Variants in FGGY observed in about 807,000 individuals in gnomAD.
The protein encoded by FGGY is FGGY carbohydrate kinase domain-containing protein.
Under a neutral mutation model 71.3 loss-of-function variants are expected in FGGY, and 72 were observed. The observed-to-expected ratio is 1.01, with a 90% CI of 0.84 to 1.23. The LOEUF is 1.23. FGGY is among the 50% of genes most tolerant of loss of function. FGGY has a pLI of 0.00. For synonymous variants in FGGY, 251 were observed against 250.3 expected (o/e 1.00, Z -0.02); for missense variants, 668 against 682.3 (o/e 0.98, Z 0.23).
At chr1:59,717,396 A>C (rs142493490) in intron 14 of FGGY, among the ~76,000 whole-genome samples, 1 of 152,152 alleles carries the variant, frequency 6.6e-6, no homozygotes, top group Non-Finnish European at 1.5e-5. Flanking sequence ...GACCACTCTG[A>C]TACTGCCCAC....
chr1:59,314,384 A>C (rs1022105361), intron 1 of FGGY, among the ~76,000 whole-genome samples: 1 of 152,168 alleles, frequency 6.6e-6, no homozygotes. Flanking sequence ...TGGTGATGCT[A>C]TACTGTTACA....
intron 8 of FGGY, 34 bp downstream of exon 8, chr1:59,554,261 C>A: frequency 6.4e-7 from 1 of 1,551,664 alleles, no homozygotes; most frequent in Non-Finnish European, 8.9e-7. Context: ...AAGGCCACCA[C>A]ACAGCAGGAG....
intron 14 of FGGY, among the ~76,000 whole-genome samples, chr1:59,700,918 G>T (rs893201428): frequency 6.6e-6 from 1 of 152,124 alleles, no homozygotes; most frequent in Non-Finnish European, 1.5e-5. Context: ...GCCCTGGAGT[G>T]GGAATGAATT....
chr1:59,720,865 T>G (rs2097885601), intron 14 of FGGY, among the ~76,000 whole-genome samples: 1 of 152,242 alleles, frequency 6.6e-6, no homozygotes, highest in Non-Finnish European at 1.5e-5. Flanking sequence ...CCTCCTGGCC[T>G]GGTGCTCACT....
At chr1:59,475,381 A>C (rs564670611) in intron 6 of FGGY, among the ~76,000 whole-genome samples, 1 of 152,360 alleles carries the variant, frequency 6.6e-6, no homozygotes, top group South Asian at 2.1e-4. Context: ...TAAAAAAAAT[A>C]CAGGATATGT....
chr1:59,651,059 C>T (rs1474450177), intron 11 of FGGY, among the ~76,000 whole-genome samples: 3 of 151,324 alleles, frequency 2.0e-5, no homozygotes, highest in Non-Finnish European at 4.4e-5. Flanking sequence ...AGCTGAGCAG[C>T]TTTGAGTGAG....
Position 59,667,359 on chromosome 1 carries a change from T to C in FGGY, c.1373T>C (p.Leu458Pro), listed in dbSNP as rs376501447. ...SISTLFLCGGLSKNPLFVQMH... is the reference protein window; with the variant it reads ...SISTLFLCGGPSKNPLFVQMH... ...AGTACTCTTTTCCTATGTGGAGGCC[T>C]CAGCAAGAATCCCCTTTTTGTGCAA... Residue 458 changes from leucine (L) to proline (P), a missense_variant, in exon 13 of 16, where the codon CTC (leucine) becomes CCC (proline). By Grantham distance (98) the Leu-to-Pro change is moderately conservative. Coordinates refer to ENST00000303721, the MANE Select transcript of FGGY (RefSeq NM_018291.5). 6 of 1,614,050 alleles carry C rather than the reference T, an allele frequency of 3.7e-6. No individual in the cohort carries two copies. The highest frequency in any genetic ancestry group is 2.7e-5 in the African/African-American group (2 of 74,934).
At chr1:59,384,278 C>T (rs1337084163) in intron 5 of FGGY, among the ~76,000 whole-genome samples, 1 of 152,152 alleles carries the variant, frequency 6.6e-6, no homozygotes. Context: ...TCCCATTTCC[C>T]TCTCTTCCAG....
At chr1:59,711,627 G>A (rs2097794998) in intron 14 of FGGY, among the ~76,000 whole-genome samples, 1 of 152,190 alleles carries the variant, frequency 6.6e-6, no homozygotes, top group Admixed American at 6.5e-5. Context: ...GGCTGGAGAG[G>A]CCTCACAATC....
At chr1:59,359,485 C>G (rs2054984564) in intron 4 of FGGY, among the ~76,000 whole-genome samples, 1 of 152,174 alleles carries the variant, frequency 6.6e-6, no homozygotes, top group Admixed American at 6.5e-5. Flanking sequence ...TCTCCAAGAG[C>G]TGACTTTGTC....
At chr1:59,545,538 G>A (rs2153693446) in intron 7 of FGGY, among the ~76,000 whole-genome samples, 1 of 152,286 alleles carries the variant, frequency 6.6e-6, no homozygotes, top group South Asian at 2.1e-4. Context: ...AGGAAGAAAG[G>A]AATTTCTGAC....
chr1:59,406,166 T>G (rs1188256632), intron 5 of FGGY, among the ~76,000 whole-genome samples: 1 of 114,628 alleles, frequency 8.7e-6, no homozygotes, highest in Non-Finnish European at 2.0e-5. Context: ...ACTTACTAAA[T>G]CTTATTTGTA....
chr1:59,682,430 A>T (rs2097509465), intron 14 of FGGY, among the ~76,000 whole-genome samples: 1 of 152,242 alleles, frequency 6.6e-6, no homozygotes. Context: ...GAGAGGGTTT[A>T]AAAGAGGGAC....
chr1:59,713,827 C>A (rs958843091), intron 14 of FGGY, among the ~76,000 whole-genome samples: 2 of 152,206 alleles, frequency 1.3e-5, no homozygotes, highest in Non-Finnish European at 2.9e-5. Context: ...AGAAAGGCTT[C>A]CGCCCTGGAT....
chr1:59,589,696 A>G (rs1380581469), intron 8 of FGGY, among the ~76,000 whole-genome samples: 1 of 152,242 alleles, frequency 6.6e-6, no homozygotes, highest in Non-Finnish European at 1.5e-5. Flanking sequence ...TACTGGGTAC[A>G]TAATGAAATG....
rs142345871 is a variant in FGGY, at chr1:59,402,283, G to T, written c.554+23446G>T. ...TATTGTGAAGGGATGGGTCAGCCGTGTATACTTATCTACCATGGTAAAAAG... is the reference window on the plus strand; with the variant it reads ...TATTGTGAAGGGATGGGTCAGCCGTTTATACTTATCTACCATGGTAAAAAG... On this transcript the variant is annotated intron_variant, in intron 5 of 15. Coordinates refer to ENST00000303721, the MANE Select transcript of FGGY (RefSeq NM_018291.5). 9.2e-5 allele frequency among the ~76,000 whole-genome samples: 14 copies of T among 152,278 alleles called. No individual in the cohort carries two copies. The East Asian group carries it at 2.1e-3, about 23-fold the overall frequency.
intron 13 of FGGY, among the ~76,000 whole-genome samples, chr1:59,672,732 T>C (rs1260511147): frequency 4.6e-5 from 7 of 152,162 alleles, no homozygotes; most frequent in Admixed American, 2.6e-4. Flanking sequence ...TCAGACAAGA[T>C]AGGAAAAGAA....
chr1:59,393,981 T>A lies in FGGY; in HGVS notation c.554+15144T>A, dbSNP rs564608782. On this transcript the variant is annotated intron_variant, in intron 5 of 15. Coordinates refer to ENST00000303721, the MANE Select transcript of FGGY (RefSeq NM_018291.5). The stretch of plus-strand genomic sequence containing the variant: ...CATATATAAGAATGGCCACTGTGTC[T>A]ATCCTTCACAAAAGCTATTTTAAAT... Among the ~76,000 whole-genome samples the A allele has an allele frequency of 2.6e-5, 4 of 152,340 alleles. No homozygotes were observed. The South Asian group carries it at 8.3e-4, about 32-fold the overall frequency.
At chr1:59,608,701 C>A (rs775702353) in intron 9 of FGGY, among the ~76,000 whole-genome samples, 5 of 152,096 alleles carry the variant, frequency 3.3e-5, no homozygotes, top group Non-Finnish European at 5.9e-5. Context: ...GGCTCGATGG[C>A]AGGCGCCTGT....
Sources: allele counts gnomAD v4.1 joint callset (sites outside exome capture counted in the v4.1 genomes callset), GRCh38; gene constraint gnomAD v4.1.1; transcripts MANE v1.5; gene names NCBI Gene and HGNC (gene_info 2026-07-23, HGNC 2026-07-21).